LARS1: variants seen among roughly 807,000 people sequenced by gnomAD.
The protein encoded by LARS1 is leucyl-tRNA synthetase 1.
A neutral mutation model predicts 162.8 loss-of-function variants in LARS1; 100 were observed. The ratio of observed to expected loss-of-function variants is 0.61; its 90% CI spans 0.52 to 0.73. The LOEUF is 0.73. LARS1 is among the 30% of genes least tolerant of loss of function. The probability of loss-of-function intolerance (pLI) is 0.00; values close to 1 mark genes in which losing one functional copy is unlikely to be tolerated. For synonymous variants in LARS1, 457 were observed against 462.8 expected (o/e 0.99, Z 0.16); for missense variants, 1,258 against 1,408.9 (o/e 0.89, Z 1.71).
chr5:146,124,047 G>T lies in LARS1; in HGVS notation c.3031C>A (p.Gln1011Lys). 2.5e-6 allele frequency: 4 copies of T among 1,610,232 alleles called. No homozygotes were observed. Among genetic ancestry groups the T allele is most frequent in the Non-Finnish European group, 3.4e-6 (4 of 1,177,800 alleles). The stretch of plus-strand genomic sequence containing the variant: ...ACAGCCTTTTCATCAAATTCTAATT[G>T]CAAATCCAGAATACGAGGCCCCATC... ...EKMGPRILDL[Q>K]LEFDEKAVLM... Residue 1011 changes from glutamine (Q) to lysine (K), a missense_variant, in exon 29 of 32, where the codon CAA (glutamine) becomes AAA (lysine). Transcript: ENST00000394434.
In LARS1 at chr5:146,123,984, C is replaced by T; in HGVS notation, c.3094G>A (p.Glu1032Lys). The stretch of plus-strand genomic sequence containing the variant: ...ATTACAATCCCTGGCCCTCTTACCT[C>T]AAGCGAATTAGTCAGATAGACTATA... ...ENIVYLTNSL[E>K]LEHIEVKFAS... is the part of the protein sequence containing the mutation. The change falls in exon 29 of 32, where the codon GAG (glutamate) becomes AAG (lysine). Residue 1032 changes from glutamate to lysine, a missense_variant and splice_region_variant. Coordinates refer to ENST00000394434, the MANE Select transcript of LARS1 (RefSeq NM_020117.11). The T allele has an allele frequency of 1.3e-6, 2 of 1,577,370 alleles. No individual in the cohort carries two copies.
intron 1 of LARS1, 91 bp from the exon 2 acceptor site, chr5:146,177,756 TAA>T (rs1208198018): frequency 1.9e-6 from 1 of 514,726 alleles, no homozygotes; most frequent in Non-Finnish European, 3.4e-6. Context: ...TGCTCACTGA[TAA>T]AGACTGATTT....
Position 146,144,532 on chromosome 5 carries a change from A to T in LARS1, c.1595T>A (p.Leu532Ter), listed in dbSNP as rs1358057931. The change falls in exon 17 of 32, where the codon TTG (leucine) becomes TAG (stop). Residue 532 changes from leucine to a stop codon, truncating the protein, a stop_gained. Transcript: ENST00000394434. LOFTEE classifies it high-confidence loss of function. ...CTTCCAATTCTCTTCTCCATAATCC[A>T]AGTACCTGGGAGTGGACAAATTGAT... is the stretch of plus-strand genomic sequence containing the variant. The part of the protein sequence containing the change: ...CVVALCDQWY[L>*]DYGEENWKKQ... 1 of 1,613,718 alleles carries T rather than the reference A, an allele frequency of 6.2e-7. No homozygotes were observed.
At chr5:146,175,937 T>C (rs1279608491) in intron 2 of LARS1, among the ~76,000 whole-genome samples, 1 of 151,880 alleles carries the variant, frequency 6.6e-6, no homozygotes, top group African/African-American at 2.4e-5. Flanking sequence ...GAAGGATCAC[T>C]TGAAGCCAGG....
At chr5:146,143,111 T>TTTTATA (rs146274608) in intron 19 of LARS1, 27 bp from the exon 20 acceptor site, 27 of 1,081,584 alleles carry the variant, frequency 2.5e-5, no homozygotes, top group Admixed American at 1.5e-4. Flanking sequence ...ACAAACTATT[T>TTTTATA]TATATATATA....
intron 24 of LARS1, 116 bp downstream of exon 24, chr5:146,130,903 A>T: frequency 2.0e-6 from 1 of 506,690 alleles, no homozygotes; most frequent in Non-Finnish European, 3.5e-6. Context: ...TTCTGGCAGG[A>T]TTTTCAGTCT....
intron 2 of LARS1, among the ~76,000 whole-genome samples, chr5:146,177,255 A>G (rs1029205928): frequency 6.6e-6 from 1 of 151,616 alleles, no homozygotes; most frequent in African/African-American, 2.4e-5. Context: ...TCACGAGGTC[A>G]GAAGATCGAG....
Position 146,113,905 on chromosome 5 carries a change from C to T in LARS1, c.*201G>A, listed in dbSNP as rs1561791048. On this transcript the variant is annotated 3_prime_UTR_variant, in exon 32 of 32. Transcript: ENST00000394434. Reference sequence around the variant, plus strand: ...TGGCAAAAACCATTTCTCTTGGACACCCAAAGAAAGGGAAAAAAAATTTAT... The same window carrying T: ...TGGCAAAAACCATTTCTCTTGGACATCCAAAGAAAGGGAAAAAAAATTTAT... 1.8e-6 allele frequency: 1 copy of T among 543,194 alleles called. No homozygotes were observed. Among genetic ancestry groups the T allele is most frequent in the Non-Finnish European group, 3.3e-6 (1 of 306,976 alleles). 33.6% of individuals were successfully genotyped at this position (543,194 alleles called of 1,614,324 possible). A position where few individuals can be genotyped will look rare whatever the true frequency, so the allele number is the denominator to read the frequency against.
At chr5:146,144,840 C>T in intron 15 of LARS1, 131 bp from the exon 16 acceptor site, 1 of 730,552 alleles carries the variant, frequency 1.4e-6, no homozygotes. Context: ...TATGTCTTGC[C>T]CGCCTTCCCA....
In LARS1 at chr5:146,113,890, C is replaced by A; in HGVS notation, c.*216G>T. The stretch of plus-strand genomic sequence containing the variant: ...TTTTTAAAAAGAGTTTGGCAAAAAC[C>A]ATTTCTCTTGGACACCCAAAGAAAG... On this transcript the variant is annotated 3_prime_UTR_variant, in exon 32 of 32. Transcript: ENST00000394434. 2 of 509,704 alleles carry A rather than the reference C, an allele frequency of 3.9e-6. No individual in the cohort carries two copies. Among genetic ancestry groups the A allele is most frequent in the South Asian group, 3.1e-5 (1 of 32,428 alleles). 31.6% of individuals were successfully genotyped at this position (509,704 alleles called of 1,614,324 possible).
At chr5:146,159,842 A>C (rs1753699064) in intron 7 of LARS1, among the ~76,000 whole-genome samples, 2 of 152,078 alleles carry the variant, frequency 1.3e-5, no homozygotes, top group South Asian at 4.2e-4. Flanking sequence ...TAATCTACAT[A>C]ATCAAGGAAG....
At chr5:146,168,754 A>G (rs1167627696) in intron 4 of LARS1, among the ~76,000 whole-genome samples, 1 of 152,148 alleles carries the variant, frequency 6.6e-6, no homozygotes, top group Non-Finnish European at 1.5e-5. Context: ...ACTAATTTAT[A>G]AAGTAGTATT....
chr5:146,138,924 G>T, intron 21 of LARS1: 1 of 338,584 alleles, frequency 3.0e-6, no homozygotes. Flanking sequence ...ACAGTAGCAT[G>T]GTTCATGCCA....
Position 146,143,457 on chromosome 5 carries a change from T to A in LARS1, c.1832A>T (p.Gln611Leu). 1 of 1,613,940 alleles carries A rather than the reference T, an allele frequency of 6.2e-7. No homozygotes were observed. Among genetic ancestry groups the A allele is most frequent in the African/African-American group, 1.3e-5 (1 of 75,048 alleles). ...TGCCTGTCCATGCAAGTTACCCCCC[T>A]GCAATAGGTGTGCAACTGTGTAAAA... ...MAFYTVAHLL[Q>L]GGNLHGQAES... The change falls in exon 19 of 32, where the codon CAG (glutamine) becomes CTG (leucine). Residue 611 changes from glutamine to leucine, a missense_variant. Physicochemically the swap from Gln to Leu is moderately radical, Grantham distance 113 (BLOSUM62 -2). Coordinates refer to ENST00000394434, the MANE Select transcript of LARS1 (RefSeq NM_020117.11).
In LARS1 at chr5:146,144,604, T is replaced by C; in HGVS notation, c.1589+20A>G. On this transcript the variant is annotated intron_variant, in intron 16 of 31. Coordinates refer to ENST00000394434, the MANE Select transcript of LARS1 (RefSeq NM_020117.11). Reference sequence around the variant, plus strand: ...GTGAGCAAATTGACTAGGGGAATTTTCTTGCTATAAGAGACTAACCACTGG... The same window carrying C: ...GTGAGCAAATTGACTAGGGGAATTTCCTTGCTATAAGAGACTAACCACTGG... 6.2e-7 allele frequency: 1 copy of C among 1,613,588 alleles called. No homozygotes were observed. The highest frequency in any genetic ancestry group is 8.5e-7 in the Non-Finnish European group (1 of 1,179,650).
chr5:146,170,388 T>C (rs1023010547), intron 4 of LARS1, among the ~76,000 whole-genome samples: 3 of 151,760 alleles, frequency 2.0e-5, no homozygotes, highest in African/African-American at 4.8e-5. Context: ...GAGAATCACT[T>C]GAACTTGGGA....
At chr5:146,171,065 G>A (rs1005561011) in intron 4 of LARS1, among the ~76,000 whole-genome samples, 13 of 151,512 alleles carry the variant, frequency 8.6e-5, no homozygotes, top group Non-Finnish European at 1.5e-5. Context: ...TAAAATAAAA[G>A]GTTGCAGAAG....
chr5:146,151,848 A>G lies in LARS1; in HGVS notation c.1425+14T>C. 1 of 1,604,994 alleles carries G rather than the reference A, an allele frequency of 6.2e-7. No individual in the cohort carries two copies. Among genetic ancestry groups the G allele is most frequent in the Non-Finnish European group, 8.5e-7 (1 of 1,175,946 alleles). ...GAGTAAAGCAAATAAAAACTAAAAAAAATTATTACTTACACCCTCATAAAA... is the reference window on the plus strand; with the variant it reads ...GAGTAAAGCAAATAAAAACTAAAAAGAATTATTACTTACACCCTCATAAAA... On this transcript the variant is annotated intron_variant, in intron 14 of 31. Transcript: ENST00000394434.
At chr5:146,160,927 T>C (rs1173921298) in intron 6 of LARS1, among the ~76,000 whole-genome samples, 2 of 152,188 alleles carry the variant, frequency 1.3e-5, no homozygotes, top group Non-Finnish European at 2.9e-5. Context: ...ACTAATTCTT[T>C]AGTGGCATAC....
Sources: allele counts gnomAD v4.1 joint callset (sites outside exome capture counted in the v4.1 genomes callset), GRCh38; gene constraint gnomAD v4.1.1; transcripts MANE v1.5; gene names NCBI Gene and HGNC (gene_info 2026-07-23, HGNC 2026-07-21).